The following CARMIL1 variants were observed in gnomAD, a reference collection of about 807,000 sequenced individuals.
CARMIL1 encodes capping protein regulator and myosin 1 linker 1.
In CARMIL1, 90 loss-of-function variants were observed where a neutral mutation model predicts 177.1. The observed-to-expected ratio is 0.51, with a 90% CI of 0.43 to 0.61. The LOEUF (loss-of-function observed/expected upper bound fraction) is 0.61, where lower values mean the gene tolerates loss of function less well. Among genes scored for constraint, CARMIL1 ranks in the 20% least tolerant of loss-of-function variants. The pLI is 0.00. For missense variants in CARMIL1, 1,380 were observed against 1,667.0 expected (o/e 0.83, Z 3.00); for synonymous variants, 577 against 606.2 (o/e 0.95, Z 0.71).
intron 4 of CARMIL1, among the ~76,000 whole-genome samples, chr6:25,434,942 A>ATG (rs995627283): frequency 7.9e-5 from 12 of 152,216 alleles, no homozygotes; most frequent in Admixed American, 3.9e-4. Flanking sequence ...TGTCTTTAAA[A>ATG]TGTGTGTGTG....
At chr6:25,389,369 G>A (rs1002491850) in intron 2 of CARMIL1, among the ~76,000 whole-genome samples, 3 of 151,830 alleles carry the variant, frequency 2.0e-5, no homozygotes, top group African/African-American at 7.3e-5. Flanking sequence ...TGAGATTTGG[G>A]GGGGTCTTGC....
At chr6:25,563,951 C>A in intron 29 of CARMIL1, 1 of 793,180 alleles carries the variant, frequency 1.3e-6, no homozygotes, top group East Asian at 1.3e-4. Context: ...ATAATGGTTG[C>A]AACCAGGATT....
At chr6:25,519,250 G>A (rs1806309372) in intron 22 of CARMIL1, among the ~76,000 whole-genome samples, 1 of 152,222 alleles carries the variant, frequency 6.6e-6, no homozygotes, top group Non-Finnish European at 1.5e-5. Context: ...GGCAGCTACT[G>A]TGCAATTTTA....
chr6:25,396,119 A>G (rs1793364855), intron 2 of CARMIL1, among the ~76,000 whole-genome samples: 1 of 151,736 alleles, frequency 6.6e-6, no homozygotes, highest in South Asian at 2.1e-4. Context: ...TGACAGCACT[A>G]CCTGGAGGGC....
intron 2 of CARMIL1, among the ~76,000 whole-genome samples, chr6:25,385,914 T>G (rs1160052672): frequency 6.6e-6 from 1 of 152,254 alleles, no homozygotes; most frequent in Non-Finnish European, 1.5e-5. Context: ...GACTTGCTAC[T>G]TGTTAGAAGA....
chr6:25,447,972 C>G (rs1199379859), intron 5 of CARMIL1, among the ~76,000 whole-genome samples: 3 of 152,122 alleles, frequency 2.0e-5, no homozygotes, highest in African/African-American at 7.2e-5. Context: ...CATCCTGCAG[C>G]AAGCCAGCTG....
chr6:25,281,927 C>T (rs988003354), intron 1 of CARMIL1, among the ~76,000 whole-genome samples: 1 of 151,878 alleles, frequency 6.6e-6, no homozygotes, highest in Admixed American at 6.6e-5. Context: ...CCAGCCTGAC[C>T]AACATGAAGA....
chr6:25,486,322 T>A (rs548560409), intron 12 of CARMIL1, among the ~76,000 whole-genome samples: 1 of 152,316 alleles, frequency 6.6e-6, no homozygotes, highest in South Asian at 2.1e-4. Context: ...TTCAGTAGCA[T>A]GAAGCTGAGC....
intron 2 of CARMIL1, among the ~76,000 whole-genome samples, chr6:25,321,901 G>A (rs540095097): frequency 5.3e-5 from 8 of 152,046 alleles, no homozygotes; most frequent in Non-Finnish European, 7.4e-5. Context: ...CTCATGATCC[G>A]CCTGCCTTGG....
chr6:25,445,201 T>C (rs982366141), intron 5 of CARMIL1, among the ~76,000 whole-genome samples: 1 of 152,250 alleles, frequency 6.6e-6, no homozygotes, highest in Non-Finnish European at 1.5e-5. Flanking sequence ...AAGAAGCAAC[T>C]TCTCATTTGT....
At chr6:25,340,689 A>G (rs756013731) in intron 2 of CARMIL1, among the ~76,000 whole-genome samples, 1 of 150,464 alleles carries the variant, frequency 6.6e-6, no homozygotes, top group Non-Finnish European at 1.5e-5. Flanking sequence ...ACATGCTACG[A>G]GGGGAAATCC....
In CARMIL1 at chr6:25,348,580, C is replaced by T. The variant is rs561503848; in HGVS notation, c.138+63671C>T. On this transcript the variant is annotated intron_variant, in intron 2 of 36. Transcript: ENST00000329474. ...GGGCGGATCACGAGGTCAGGAGATC[C>T]AGACCATCCTGGCCAACATGGTGAA... Among the ~76,000 whole-genome samples the T allele has an allele frequency of 6.6e-5, 10 of 151,412 alleles. No individual in the cohort carries two copies. In the South Asian group the frequency reaches 2.1e-3, roughly 32 times the overall value.
chr6:25,415,422 G>C (rs1795269403), intron 2 of CARMIL1, among the ~76,000 whole-genome samples: 1 of 152,006 alleles, frequency 6.6e-6, no homozygotes, highest in Non-Finnish European at 1.5e-5. Flanking sequence ...GGCAAGTCAA[G>C]AGAAGACAAG....
Position 25,435,582 on chromosome 6 carries a change from A to C in CARMIL1, c.349A>C (p.Ile117Leu). 1 of 1,573,552 alleles carries C rather than the reference A, an allele frequency of 6.4e-7. No homozygotes were observed. The highest frequency in any genetic ancestry group is 1.2e-5 in the South Asian group (1 of 85,122). ...LAHIGTCLRK[I>L]FPGLSPVRIM... Reference sequence around the variant, plus strand: ...TCACATAGGCACCTGCCTGAGGAAGATATTTCCTGGCCTCTCTCCAGTGTG... The same window carrying C: ...TCACATAGGCACCTGCCTGAGGAAGCTATTTCCTGGCCTCTCTCCAGTGTG... The change falls in exon 5 of 37, where the codon ATA becomes CTA. Residue 117 changes from isoleucine (I) to leucine (L), a missense_variant. By Grantham distance (5) the Ile-to-Leu change is conservative. Transcript: ENST00000329474.
chr6:25,593,751 T>A (rs1051893927), intron 31 of CARMIL1, among the ~76,000 whole-genome samples: 1 of 152,152 alleles, frequency 6.6e-6, no homozygotes, highest in Non-Finnish European at 1.5e-5. Context: ...CTCACATAAC[T>A]GCAGAAAAAC....
At position 25,563,495 on chromosome 6, in the gene CARMIL1, G is replaced by A. The variant is rs1582376601; in HGVS notation, c.2742+6645G>A. ...AGGACTTGTTTACCCAGGTGATGGG[G>A]TAAAAGAAACATCTGGAAGAAGGTG... On this transcript the variant is annotated intron_variant, in intron 29 of 36. Transcript: ENST00000329474. 6 of 985,428 alleles carry A rather than the reference G, an allele frequency of 6.1e-6. No individual in the cohort carries two copies. In the South Asian group the frequency reaches 2.8e-4, roughly 46 times the overall value. The allele number at this position is 985,428 out of a possible 1,614,324, so 61.0% of individuals were successfully genotyped here. A position where few individuals can be genotyped will look rare whatever the true frequency, so the allele number is the denominator to read the frequency against.
chr6:25,498,679 A>AAGAACTGTCAGTAAAATATC (rs1306549408), intron 16 of CARMIL1, among the ~76,000 whole-genome samples: 7 of 152,142 alleles, frequency 4.6e-5, no homozygotes, highest in African/African-American at 1.2e-4. Context: ...TAACTCTCTC[A>AAGAACTGTCAGTAAAATATC]TTTTACTGAC....
chr6:25,484,477 G>C (rs887609027), intron 12 of CARMIL1, among the ~76,000 whole-genome samples: 3 of 152,180 alleles, frequency 2.0e-5, no homozygotes, highest in East Asian at 1.9e-4. Flanking sequence ...ATTACCAAAG[G>C]GATTTCCCCA....
chr6:25,481,763 G>A (rs10498726), intron 11 of CARMIL1, among the ~76,000 whole-genome samples: 23,248 of 152,138 alleles, frequency 0.15, 2,156 homozygotes, highest in South Asian at 0.25. Flanking sequence ...AACATGCTCC[G>A]AAGCTCTGTA....
Sources: gnomAD v4.1 joint callset for allele counts (sites outside exome capture counted in the v4.1 genomes callset) on GRCh38, gnomAD v4.1.1 for gene constraint, MANE v1.5 for transcripts, NCBI Gene and HGNC (gene_info 2026-07-23, HGNC 2026-07-21) for gene names.